NTM: variants seen among roughly 807,000 people sequenced by gnomAD.
The protein encoded by NTM is IgLON family member 2.
Under a neutral mutation model 42.1 loss-of-function variants are expected in NTM, and 13 were observed. The observed-to-expected ratio is 0.31, with a 90% CI of 0.20 to 0.49. NTM has a LOEUF of 0.49. Ranked by LOEUF, NTM falls within the 20% of genes least tolerant of loss-of-function variation. The pLI, the probability that NTM is intolerant of heterozygous loss-of-function variation, is 0.99. For missense variants in NTM, 373 were observed against 452.8 expected (o/e 0.82, Z 1.60); for synonymous variants, 187 against 179.2 (o/e 1.04, Z -0.35).
intron 2 of NTM, among the ~76,000 whole-genome samples, chr11:132,049,065 C>G (rs2078464568): frequency 6.6e-6 from 1 of 152,016 alleles, no homozygotes; most frequent in East Asian, 1.9e-4. Context: ...ATGACCAGGT[C>G]ATAGGAAATG....
Position 131,542,027 on chromosome 11 carries a change from T to C in NTM, c.82+171139T>C, listed in dbSNP as rs116212043. Among the ~76,000 whole-genome samples the C allele has an allele frequency of 3.6e-3, 551 of 152,332 alleles. 6 individuals carry two copies. The highest frequency in any genetic ancestry group is 0.012 in the African/African-American group (518 of 41,580). On this transcript the variant is annotated intron_variant, in intron 1 of 8. Coordinates refer to ENST00000683400, the MANE Select transcript of NTM (RefSeq NM_001352005.2). ...TCCAGAAGACTGTTGCCTCATTTAC[T>C]GGTAGCTACAGCATGCCAGGCACCA...
chr11:132,284,645 G>A (rs1279670415), intron 4 of NTM: 2 of 152,848 alleles, frequency 1.3e-5, no homozygotes, highest in African/African-American at 4.8e-5. Context: ...ACTGGCGGTT[G>A]GGACTTCAAC....
At chr11:131,769,308 C>T (rs2085653563) in intron 1 of NTM, among the ~76,000 whole-genome samples, 1 of 151,374 alleles carries the variant, frequency 6.6e-6, no homozygotes, top group Non-Finnish European at 1.5e-5. Flanking sequence ...TTTTTTGAGG[C>T]TAAAATATCT....
intron 4 of NTM, among the ~76,000 whole-genome samples, chr11:132,294,877 A>G (rs1463269054): frequency 6.6e-6 from 1 of 152,208 alleles, no homozygotes; most frequent in African/African-American, 2.4e-5. Flanking sequence ...ATGATGACAT[A>G]AGAAAGCTCT....
chr11:131,406,051 T>C (rs551270131), intron 1 of NTM, among the ~76,000 whole-genome samples: 2 of 152,314 alleles, frequency 1.3e-5, no homozygotes, highest in East Asian at 3.9e-4. Context: ...TGCAACTTTC[T>C]GAAACTGTCC....
intron 1 of NTM, among the ~76,000 whole-genome samples, chr11:131,835,489 C>T (rs2043373997): frequency 6.6e-6 from 1 of 152,104 alleles, no homozygotes; most frequent in Admixed American, 6.5e-5. Flanking sequence ...TGTAAAAGGA[C>T]TCAACCTCAC....
At chr11:131,543,732 C>T (rs2053575668) in intron 1 of NTM, among the ~76,000 whole-genome samples, 1 of 152,206 alleles carries the variant, frequency 6.6e-6, no homozygotes, top group Non-Finnish European at 1.5e-5. Flanking sequence ...CTTGCCCAGT[C>T]CTTCATCAGC....
At chr11:131,800,290 T>G (rs1286961248) in intron 1 of NTM, among the ~76,000 whole-genome samples, 4 of 152,238 alleles carry the variant, frequency 2.6e-5, no homozygotes, top group African/African-American at 9.6e-5. Context: ...CCCATTTTAC[T>G]GAAAACAAAC....
rs1333130146 is a variant in NTM at position 131,689,065 on chromosome 11, T to TTTACAG, written c.83-222498_83-222497insTACAGT. Among the ~76,000 whole-genome samples the TTTACAG allele has an allele frequency of 3.1e-3, 476 of 152,338 alleles. 2 individuals are homozygous for TTTACAG. The highest frequency in any genetic ancestry group is 0.011 in the African/African-American group (457 of 41,580). ...AGTGAAAACGAGAGCTACCAATAAA[T>TTTACAG]TGGATGTTTGTTAAGGAAAATCCCC... On this transcript the variant is annotated intron_variant, in intron 1 of 8. Transcript: ENST00000683400.
intron 1 of NTM, among the ~76,000 whole-genome samples, chr11:131,848,409 A>T (rs1011360899): frequency 1.3e-5 from 2 of 152,174 alleles, no homozygotes; most frequent in African/African-American, 2.4e-5. Flanking sequence ...AATGCTTTTC[A>T]TCTACATGAA....
chr11:132,023,441 C>T (rs74589070), intron 2 of NTM, among the ~76,000 whole-genome samples: 2 of 152,178 alleles, frequency 1.3e-5, no homozygotes, highest in African/African-American at 4.8e-5. Flanking sequence ...ACAGCTGGGC[C>T]TGTGAGAAGG....
chr11:131,743,843 A>G (rs1223565169), intron 1 of NTM, among the ~76,000 whole-genome samples: 1 of 152,238 alleles, frequency 6.6e-6, no homozygotes, highest in African/African-American at 2.4e-5. Flanking sequence ...GAGCTATTGT[A>G]TCCAGTACAA....
intron 2 of NTM, among the ~76,000 whole-genome samples, chr11:131,960,011 G>T (rs879905552): frequency 6.6e-6 from 1 of 152,176 alleles, no homozygotes; most frequent in Non-Finnish European, 1.5e-5. Context: ...GGCAGTGGAG[G>T]GTAGTTGTGT....
chr11:131,697,136 T>G (rs2075554545), intron 1 of NTM, among the ~76,000 whole-genome samples: 1 of 152,194 alleles, frequency 6.6e-6, no homozygotes, highest in Non-Finnish European at 1.5e-5. Context: ...ATTTCTCAGA[T>G]TTCCTTTCAA....
intron 1 of NTM, among the ~76,000 whole-genome samples, chr11:131,615,351 TTCTCTCTC>T (rs142402475): frequency 1.0e-4 from 15 of 150,616 alleles, no homozygotes; most frequent in African/African-American, 3.7e-4. Flanking sequence ...TCATAGCAAG[TTCTCTCTC>T]TCTCTCTCTC....
At chr11:131,378,551 T>C (rs1942258842) in intron 1 of NTM, among the ~76,000 whole-genome samples, 1 of 152,234 alleles carries the variant, frequency 6.6e-6, no homozygotes, top group Admixed American at 6.5e-5. Flanking sequence ...CATATATGCA[T>C]GCATTTATTT....
rs538253011 is a variant in NTM at position 132,091,050 on chromosome 11, G to A, written c.168-55232G>A. Among the ~76,000 whole-genome samples the A allele has an allele frequency of 1.4e-3, 207 of 152,154 alleles. 2 individuals carry two copies. Among genetic ancestry groups the A allele is most frequent in the Middle Eastern group, 6.8e-3 (2 of 294 alleles). ...TCTTTCTTACTCAAGAGGATTATTG[G>A]CATTTTTCCTTTGGCAAACTCTTTC... On this transcript the variant is annotated intron_variant, in intron 2 of 8. Coordinates refer to ENST00000683400, the MANE Select transcript of NTM (RefSeq NM_001352005.2).
intron 4 of NTM, among the ~76,000 whole-genome samples, chr11:132,217,098 A>G (rs2084005483): frequency 6.6e-6 from 1 of 152,132 alleles, no homozygotes; most frequent in Non-Finnish European, 1.5e-5. Context: ...TCATCTGGCC[A>G]TTCTAGTGGG....
intron 1 of NTM, among the ~76,000 whole-genome samples, chr11:131,785,872 C>T (rs570024427): frequency 1.3e-5 from 2 of 152,286 alleles, no homozygotes; most frequent in East Asian, 3.9e-4. Flanking sequence ...ATTAGGATAG[C>T]CTTTGGCGAG....
Sources: gnomAD v4.1 joint callset for allele counts (sites outside exome capture counted in the v4.1 genomes callset) on GRCh38, gnomAD v4.1.1 for gene constraint, MANE v1.5 for transcripts, NCBI Gene and HGNC (gene_info 2026-07-23, HGNC 2026-07-21) for gene names.